MATN2: variants seen among roughly 807,000 people sequenced by gnomAD.
The protein encoded by MATN2 is matrilin 2.
In MATN2, 69 loss-of-function variants were observed where a neutral mutation model predicts 103.2. That is an observed-to-expected ratio of 0.67 (90% CI 0.55 to 0.82). The LOEUF (loss-of-function observed/expected upper bound fraction) is 0.82. Ranked by LOEUF, MATN2 falls within the 40% of genes least tolerant of loss-of-function variation. The probability of loss-of-function intolerance (pLI) is 0.00; values close to 1 mark genes in which losing one functional copy is unlikely to be tolerated. For missense variants in MATN2, 1,023 were observed against 1,211.5 expected, an observed-to-expected ratio of 0.84 and a Z score of 2.31; for synonymous variants, 429 against 450.2, an observed-to-expected ratio of 0.95 and a Z score of 0.60.
intron 13 of MATN2, among the ~76,000 whole-genome samples, chr8:98,026,432 CTTTT>C (rs1205732943): frequency 9.2e-5 from 14 of 151,722 alleles, no homozygotes; most frequent in Admixed American, 3.3e-4. Flanking sequence ...GCTAATTTTT[CTTTT>C]TTTAAGAAAG....
intron 2 of MATN2, among the ~76,000 whole-genome samples, chr8:97,902,240 A>G (rs189977497): frequency 1.0e-3 from 151 of 151,458 alleles, no homozygotes; most frequent in African/African-American, 3.6e-3. Context: ...TCACACCTGT[A>G]ATCCCAGCAC....
intron 5 of MATN2, among the ~76,000 whole-genome samples, chr8:97,969,159 C>G (rs891998969): frequency 2.0e-5 from 3 of 152,186 alleles, no homozygotes; most frequent in Non-Finnish European, 4.4e-5. Flanking sequence ...CTCATGTGAA[C>G]TAACTGAGCA....
intron 10 of MATN2, among the ~76,000 whole-genome samples, chr8:98,013,215 G>A (rs1227374500): frequency 6.6e-6 from 1 of 152,146 alleles, no homozygotes; most frequent in African/African-American, 2.4e-5. Flanking sequence ...ATCCACCTTT[G>A]GCATTCTCTA....
At chr8:97,966,494 A>G (rs1458342504) in intron 5 of MATN2, among the ~76,000 whole-genome samples, 2 of 151,860 alleles carry the variant, frequency 1.3e-5, no homozygotes, top group East Asian at 3.9e-4. Context: ...TGAGCCCAGG[A>G]TGTTGAGACT....
chr8:97,910,654 T>G (rs1192826100), intron 2 of MATN2, among the ~76,000 whole-genome samples: 1 of 152,238 alleles, frequency 6.6e-6, no homozygotes, highest in Non-Finnish European at 1.5e-5. Context: ...TGTACTCTTG[T>G]ATAGTTGTGT....
At chr8:97,895,598 C>T (rs927737660) in intron 2 of MATN2, among the ~76,000 whole-genome samples, 3 of 152,158 alleles carry the variant, frequency 2.0e-5, no homozygotes, top group Non-Finnish European at 4.4e-5. Flanking sequence ...ATACTTACCT[C>T]AGAGGGATTC....
chr8:97,886,789 A>T (rs1355663539), intron 1 of MATN2, among the ~76,000 whole-genome samples: 1 of 152,176 alleles, frequency 6.6e-6, no homozygotes, highest in African/African-American at 2.4e-5. Context: ...TGCCTCTGAC[A>T]AAGAAAGAAC....
intron 4 of MATN2, among the ~76,000 whole-genome samples, chr8:97,960,300 A>C (rs12541737): frequency 0.21 from 31,277 of 151,868 alleles, 3,703 homozygotes; most frequent in South Asian, 0.37. Context: ...AATATATTCA[A>C]CCCCTTTAAT....
At chr8:97,896,357 G>A (rs991465713) in intron 2 of MATN2, among the ~76,000 whole-genome samples, 10 of 152,306 alleles carry the variant, frequency 6.6e-5, no homozygotes, top group African/African-American at 2.4e-4. Context: ...TTCTATGTGG[G>A]AACCCTGATG....
intron 4 of MATN2, among the ~76,000 whole-genome samples, chr8:97,960,528 G>A (rs1811276051): frequency 6.6e-6 from 1 of 152,180 alleles, no homozygotes; most frequent in Admixed American, 6.5e-5. Flanking sequence ...GAATAAACAG[G>A]CAGAGCTTAG....
chr8:98,034,843 T>C (rs1814177773), intron 18 of MATN2, among the ~76,000 whole-genome samples: 1 of 151,176 alleles, frequency 6.6e-6, no homozygotes, highest in African/African-American at 2.4e-5. Context: ...CCCAACATTA[T>C]CAATTCTGGC....
At chr8:97,986,188 A>G (rs1387755489) in intron 6 of MATN2, among the ~76,000 whole-genome samples, 1 of 152,218 alleles carries the variant, frequency 6.6e-6, no homozygotes, top group African/African-American at 2.4e-5. Flanking sequence ...GGCAATTAAC[A>G]TTTTAAGTCT....
At chr8:98,018,266 C>A in intron 12 of MATN2, 150 bp downstream of exon 12, 1 of 1,015,068 alleles carries the variant, frequency 9.9e-7, no homozygotes, top group Non-Finnish European at 1.4e-6. Context: ...AGCTAGAGAT[C>A]AGTTCAGTAG....
chr8:98,013,518 C>A (rs1482085823), intron 10 of MATN2, among the ~76,000 whole-genome samples: 1 of 152,186 alleles, frequency 6.6e-6, no homozygotes, highest in Non-Finnish European at 1.5e-5. Context: ...CTGTTAGGTG[C>A]CAGGCATTAT....
chr8:98,013,638 A>G (rs752173944), intron 10 of MATN2, among the ~76,000 whole-genome samples: 4 of 152,220 alleles, frequency 2.6e-5, no homozygotes, highest in Non-Finnish European at 5.9e-5. Context: ...AGAAACAGAA[A>G]CAGAGACTGT....
intron 2 of MATN2, among the ~76,000 whole-genome samples, chr8:97,900,803 C>T (rs1299092259): frequency 2.6e-5 from 4 of 152,058 alleles, no homozygotes; most frequent in Non-Finnish European, 4.4e-5. Context: ...GGTGTGGTGG[C>T]GGGCACCTGT....
intron 2 of MATN2, among the ~76,000 whole-genome samples, chr8:97,892,119 C>T (rs1417705613): frequency 6.6e-6 from 1 of 151,886 alleles, no homozygotes. Flanking sequence ...CACCTGTAAT[C>T]CCAGCTACTC....
intron 1 of MATN2, among the ~76,000 whole-genome samples, chr8:97,883,655 C>A (rs545612413): frequency 2.0e-5 from 3 of 151,654 alleles, no homozygotes; most frequent in Admixed American, 2.0e-4. Context: ...TGGGTTTACA[C>A]CATTCTCCTG....
chr8:97,898,754 G>A (rs566442333), intron 2 of MATN2, among the ~76,000 whole-genome samples: 45 of 152,188 alleles, frequency 3.0e-4, no homozygotes, highest in African/African-American at 9.1e-4. Context: ...TTCAAGAAGC[G>A]AACTTGCTGT....
Sources: gnomAD v4.1 joint callset for allele counts (sites outside exome capture counted in the v4.1 genomes callset) on GRCh38, gnomAD v4.1.1 for gene constraint, MANE v1.5 for transcripts, NCBI Gene and HGNC (gene_info 2026-07-23, HGNC 2026-07-21) for gene names.